The following PTPRU variants were observed in gnomAD, a reference collection of about 807,000 sequenced individuals.
PTPRU encodes receptor-type tyrosine-protein phosphatase U.
PTPRU carries 69 observed loss-of-function variants against 166.3 expected under a neutral mutation model. The ratio of observed to expected loss-of-function variants is 0.41; its 90% CI spans 0.34 to 0.51. PTPRU has a LOEUF of 0.51. Among genes scored for constraint, PTPRU ranks in the 20% least tolerant of loss-of-function variants. The probability of loss-of-function intolerance (pLI) is 0.09; values close to 1 mark genes in which losing one functional copy is unlikely to be tolerated. For missense variants in PTPRU, 1,657 were observed against 2,013.7 expected, an observed-to-expected ratio of 0.82 and a Z score of 3.39; for synonymous variants, 793 against 814.0, an observed-to-expected ratio of 0.97 and a Z score of 0.44.
rs1685404010 is a variant in PTPRU at position 29,268,551 on chromosome 1, T to C, written c.1145-6897T>C. Among the ~76,000 whole-genome samples the C allele has an allele frequency of 1.3e-5, 2 of 152,220 alleles. 1 individual carries two copies. Among genetic ancestry groups the C allele is most frequent in the East Asian group, 3.8e-4 (2 of 5,202 alleles). ...ATCCCCGATTCAGTCCTTAGATTTT[T>C]AGGGAATAAATGTAGATGGAAGAAA... On this transcript the variant is annotated intron_variant, in intron 7 of 29. Coordinates refer to ENST00000373779, the MANE Select transcript of PTPRU (RefSeq NM_133178.4).
chr1:29,261,753 A>G (rs545560097), intron 7 of PTPRU, among the ~76,000 whole-genome samples: 1 of 152,112 alleles, frequency 6.6e-6, no homozygotes, highest in East Asian at 1.9e-4. Context: ...GGCTGGTCAC[A>G]AACTCCTGAC....
At position 29,279,802 on chromosome 1, in the gene PTPRU, C is replaced by G; in HGVS notation, c.1765+145C>G. 1 of 1,098,118 alleles carries G rather than the reference C, an allele frequency of 9.1e-7. No homozygotes were observed. The highest frequency in any genetic ancestry group is 1.3e-6 in the Non-Finnish European group (1 of 760,732). The allele number at this position is 1,098,118 out of a possible 1,614,324, so 68.0% of individuals were successfully genotyped here. A position where few individuals can be genotyped will look rare whatever the true frequency, so the allele number is the denominator to read the frequency against. The stretch of plus-strand genomic sequence containing the variant: ...AAATATGCCATTTAGGAGTTAAAGT[C>G]AGGCTCAGGGAGGATGAAGTCAGAG... On this transcript the variant is annotated intron_variant, in intron 10 of 29. Coordinates refer to ENST00000373779, the MANE Select transcript of PTPRU (RefSeq NM_133178.4). This position sits in a 1 kb window ranked among gnomAD's most constrained non-coding sequence, Gnocchi z 5.2.
chr1:29,250,110 G>A (rs945473042), intron 1 of PTPRU, among the ~76,000 whole-genome samples: 3 of 152,092 alleles, frequency 2.0e-5, no homozygotes, highest in African/African-American at 4.8e-5. Flanking sequence ...CTTAGATGCC[G>A]CCTCTTCCAG....
rs1365617963 is a variant in PTPRU, at chr1:29,269,219, C to CAAATATATATATATAT, written c.1145-6228_1145-6227insAATATATATATATATA. 2.8e-4 allele frequency among the ~76,000 whole-genome samples: 12 copies of CAAATATATATATATAT among 42,400 alleles called. 1 individual carries two copies. The highest frequency in any genetic ancestry group is 4.3e-4 in the Admixed American group (1 of 2,336). The allele number at this position is 42,400 out of a possible 152,430, so 27.8% of individuals were successfully genotyped here. On this transcript the variant is annotated intron_variant, in intron 7 of 29. Transcript: ENST00000373779. ...CCACCATGCCCAGCTAATTTATATA[C>CAAATATATATATATAT]ATATATATATATATATATATATATA... is the stretch of plus-strand genomic sequence containing the variant.
At chr1:29,264,497 C>G (rs1420780237) in intron 7 of PTPRU, among the ~76,000 whole-genome samples, 2 of 151,260 alleles carry the variant, frequency 1.3e-5, no homozygotes, top group Non-Finnish European at 2.9e-5. Context: ...AGGTAGGGAT[C>G]CAACCTCATT....
intron 18 of PTPRU, among the ~76,000 whole-genome samples, chr1:29,306,918 C>T (rs949920836): frequency 1.4e-4 from 21 of 152,174 alleles, no homozygotes; most frequent in Admixed American, 3.3e-4. Context: ...TTGGTCTTGC[C>T]AAGGTCCCAG....
intron 7 of PTPRU, among the ~76,000 whole-genome samples, chr1:29,267,984 A>G (rs1014078434): frequency 5.3e-5 from 8 of 152,202 alleles, no homozygotes; most frequent in Non-Finnish European, 1.0e-4. Context: ...TGGATTGAAT[A>G]TGGGATGAGA....
At chr1:29,323,849 A>G in intron 28 of PTPRU, 61 bp downstream of exon 28, 2 of 1,577,610 alleles carry the variant, frequency 1.3e-6, no homozygotes, top group Non-Finnish European at 1.7e-6. Flanking sequence ...GCAGAGGTCC[A>G]GTCTGAAAGG....
intron 1 of PTPRU, among the ~76,000 whole-genome samples, chr1:29,239,423 T>C (rs1272257719): frequency 2.6e-5 from 4 of 152,142 alleles, no homozygotes; most frequent in African/African-American, 9.7e-5. Context: ...CAATAAAGGC[T>C]TGTCTGGGCA....
intron 18 of PTPRU, among the ~76,000 whole-genome samples, chr1:29,306,434 C>T (rs1329338028): frequency 6.6e-6 from 1 of 152,336 alleles, no homozygotes; most frequent in African/African-American, 2.4e-5. Context: ...CTCTGCTTTC[C>T]TTGAACATAT....
At chr1:29,293,179 T>C (rs976309027) in intron 15 of PTPRU, among the ~76,000 whole-genome samples, 10 of 152,178 alleles carry the variant, frequency 6.6e-5, no homozygotes, top group African/African-American at 2.4e-4. Context: ...GGTTTCACCA[T>C]GTTGGCCAGG....
intron 16 of PTPRU, among the ~76,000 whole-genome samples, chr1:29,304,556 C>G (rs1015520102): frequency 5.3e-5 from 8 of 152,182 alleles, no homozygotes; most frequent in African/African-American, 1.9e-4. Flanking sequence ...TTCCTCTTTT[C>G]TCATTTCCCT....
At position 29,260,974 on chromosome 1, in the gene PTPRU, G is replaced by T; in HGVS notation, c.1144+71G>T. On this transcript the variant is annotated intron_variant, in intron 7 of 29. Transcript: ENST00000373779. This position sits in a 1 kb window ranked among gnomAD's most constrained non-coding sequence, Gnocchi z 8.3. ...GGCTATGGAGGGGCGCATTCGAGAGGTAGCGTGGCCTGTGCTTGTAAACCT... is the reference window on the plus strand; with the variant it reads ...GGCTATGGAGGGGCGCATTCGAGAGTTAGCGTGGCCTGTGCTTGTAAACCT... The T allele has an allele frequency of 1.4e-6, 2 of 1,437,488 alleles. No homozygotes were observed. 89.0% of individuals were successfully genotyped at this position (1,437,488 alleles called of 1,614,324 possible).
Position 29,284,029 on chromosome 1 carries a change from A to G in PTPRU, c.2179+53A>G, listed in dbSNP as rs1686225328. 7 of 1,603,348 alleles carry G rather than the reference A, an allele frequency of 4.4e-6. No individual in the cohort carries two copies. The South Asian group carries it at 6.6e-5, about 15-fold the overall frequency. ...TCAGCGGCAGGTTTCTCACCTGCCC[A>G]GCGCTGGGGAGGTGGATCCTGAGGA... On this transcript the variant is annotated intron_variant, in intron 13 of 29. Transcript: ENST00000373779.
intron 1 of PTPRU, among the ~76,000 whole-genome samples, chr1:29,252,826 G>A (rs1428548898): frequency 1.3e-5 from 2 of 152,184 alleles, no homozygotes; most frequent in Non-Finnish European, 2.9e-5. Context: ...GACCAAATGT[G>A]TGGGGGCTTC....
At position 29,311,060 on chromosome 1, in the gene PTPRU, T is replaced by TAAAAGGGCC. The variant is rs1341479558; in HGVS notation, c.2857+280_2857+281insAAAAGGGCC. On this transcript the variant is annotated intron_variant, in intron 19 of 29. Coordinates refer to ENST00000373779, the MANE Select transcript of PTPRU (RefSeq NM_133178.4). The surrounding 1 kb of genome is among the most constrained non-coding windows in gnomAD (Gnocchi z 4.1). Reference sequence around the variant, plus strand: ...CTACCTGCCTGTCTCCAAAGTGGTGTCTGTAAAAGGGCCAGCTGGGCTCAG... The same window carrying TAAAAGGGCC: ...CTACCTGCCTGTCTCCAAAGTGGTGTAAAAGGGCCCTGTAAAAGGGCCAGCTGGGCTCAG... Among the ~76,000 whole-genome samples the TAAAAGGGCC allele has an allele frequency of 1.3e-5, 2 of 152,164 alleles. No individual in the cohort carries two copies. The highest frequency in any genetic ancestry group is 2.4e-5 in the African/African-American group (1 of 41,438).
chr1:29,279,592 T>A lies in PTPRU; in HGVS notation c.1700T>A (p.Val567Glu). Reference protein sequence around the residue: ...LHPGTTYLFSVRARTGKGFGQ... With the variant: ...LHPGTTYLFSERARTGKGFGQ... ...CCAGGCACCACCTACCTGTTCTCCG[T>A]GCGGGCCCGCACAGGCAAAGGCTTC... Residue 567 changes from valine to glutamate, a missense_variant, in exon 10 of 30, where the codon GTG becomes GAG. By Grantham distance (121) the Val-to-Glu change is moderately radical (BLOSUM62 -2). This residue lies in a region of PTPRU where 1,190 missense variants were observed against 1,477.4 expected (regional missense o/e 0.81). Coordinates refer to ENST00000373779, the MANE Select transcript of PTPRU (RefSeq NM_133178.4). The surrounding 1 kb of genome is among the most constrained non-coding windows in gnomAD (Gnocchi z 5.2). 6.2e-7 allele frequency: 1 copy of A among 1,614,112 alleles called. No homozygotes were observed.
rs1417576575 is a variant in PTPRU at position 29,325,583 on chromosome 1, C to T, written c.4249-16C>T. On this transcript the variant is annotated splice_polypyrimidine_tract_variant and intron_variant, in intron 29 of 29. Coordinates refer to ENST00000373779, the MANE Select transcript of PTPRU (RefSeq NM_133178.4). ...GGGTCAGGCTCATGATTCCCTCCCT[C>T]TCTTCCTCTCCCCAGGATCAGTACC... The T allele has an allele frequency of 1.2e-6, 2 of 1,604,204 alleles. No individual in the cohort carries two copies. Among genetic ancestry groups the T allele is most frequent in the East Asian group, 2.2e-5 (1 of 44,832 alleles).
At position 29,320,796 on chromosome 1, in the gene PTPRU, A is replaced by G; in HGVS notation, c.3799A>G (p.Asn1267Asp). 3 of 1,596,230 alleles carry G rather than the reference A, an allele frequency of 1.9e-6. No individual in the cohort carries two copies. The highest frequency in any genetic ancestry group is 2.6e-6 in the Non-Finnish European group (3 of 1,166,618). ...CGGGTGCACCTCCATCGTCATGCTC[A>G]ACCAGCTGAACCAGTCCAACTCCGC... The part of the protein sequence containing the change: ...DYGCTSIVML[N>D]QLNQSNSAWP... The change falls in exon 26 of 30, where the codon AAC (asparagine) becomes GAC (aspartate). Residue 1267 changes from asparagine (N) to aspartate (D), a missense_variant. By Grantham distance (23) the Asn-to-Asp change is conservative. Transcript: ENST00000373779. This position sits in a 1 kb window ranked among gnomAD's most constrained non-coding sequence, Gnocchi z 5.2.
Sources: gnomAD v4.1 joint callset for allele counts (sites outside exome capture counted in the v4.1 genomes callset) on GRCh38, gnomAD v4.1.1 for gene constraint, gnomAD v4.1.1 regional missense constraint, Gnocchi (gnomAD v3.1) non-coding constraint, MANE v1.5 for transcripts, NCBI Gene and HGNC (gene_info 2026-07-23, HGNC 2026-07-21) for gene names.